The following NUDT13 variants were observed in gnomAD, a reference collection of about 807,000 sequenced individuals.
NUDT13 encodes NAD(P)H pyrophosphatase NUDT13, mitochondrial.
NUDT13 carries 40 observed loss-of-function variants against 41.7 expected under a neutral mutation model. The ratio of observed to expected loss-of-function variants is 0.96; its 90% CI spans 0.75 to 1.25. The LOEUF (loss-of-function observed/expected upper bound fraction) is 1.25. Among genes scored for constraint, NUDT13 ranks in the 50% most tolerant of loss-of-function variants. The probability of loss-of-function intolerance (pLI) is 0.00; values close to 1 mark genes in which losing one functional copy is unlikely to be tolerated. For synonymous variants in NUDT13, 145 were observed against 155.5 expected, an observed-to-expected ratio of 0.93 and a Z score of 0.50; for missense variants, 390 against 416.1, an observed-to-expected ratio of 0.94 and a Z score of 0.55.
chr10:73,113,500 C>G (rs1210662177), intron 1 of NUDT13, among the ~76,000 whole-genome samples: 1 of 152,088 alleles, frequency 6.6e-6, no homozygotes, highest in African/African-American at 2.4e-5. Flanking sequence ...TGCTTTGCAA[C>G]CCACATATTG....
intron 4 of NUDT13, among the ~76,000 whole-genome samples, chr10:73,123,723 C>T (rs978858594): frequency 1.3e-5 from 2 of 151,962 alleles, no homozygotes; most frequent in Non-Finnish European, 2.9e-5. Context: ...TGCAATGGTG[C>T]GATCGGTTCA....
rs1429189482 is a variant in NUDT13, at chr10:73,125,188, A to G, written c.536A>G (p.Asn179Ser). Residue 179 changes from asparagine to serine, a missense_variant, in exon 6 of 9, where the codon AAC becomes AGC. Coordinates refer to ENST00000357321, the MANE Select transcript of NUDT13 (RefSeq NM_015901.6). ...CSRSGQPTKK[N>S]VAGSKRVCPS... is the part of the protein sequence containing the mutation. ...AGAAGTGGGCAGCCCACCAAGAAGAACGTGGCTGGCAGCAAGCGTGTGTGC... is the reference window on the plus strand; with the variant it reads ...AGAAGTGGGCAGCCCACCAAGAAGAGCGTGGCTGGCAGCAAGCGTGTGTGC... The G allele has an allele frequency of 1.2e-6, 2 of 1,613,604 alleles. No homozygotes were observed. Among genetic ancestry groups the G allele is most frequent in the African/African-American group, 2.7e-5 (2 of 74,864 alleles).
chr10:73,119,577 A>G (rs1293923781), intron 2 of NUDT13: 1 of 590,260 alleles, frequency 1.7e-6, no homozygotes, highest in Admixed American at 6.2e-5. Flanking sequence ...ACTCCACTGC[A>G]TGTAAATTCT....
At position 73,120,018 on chromosome 10, in the gene NUDT13, G is replaced by A. The variant is rs767956626; in HGVS notation, c.84G>A (p.Arg28=). 9 of 1,613,742 alleles carry A rather than the reference G, an allele frequency of 5.6e-6. No homozygotes were observed. The highest frequency in any genetic ancestry group is 5.9e-6 in the Non-Finnish European group (7 of 1,179,778). Residue 28 remains arginine, a splice_region_variant and synonymous_variant, in exon 3 of 9, where the codon CGG becomes CGA. Coordinates refer to ENST00000357321, the MANE Select transcript of NUDT13 (RefSeq NM_015901.6). ...RLLSTYVTKT[R]YLFELKEDDD... is the part of the protein sequence containing the mutation. The stretch of plus-strand genomic sequence containing the variant: ...TGGTTTGATTATTTCCCAAATACAG[G>A]TATTTATTTGAACTGAAGGAAGATG...
At chr10:73,113,418 AT>A (rs1357009806) in intron 1 of NUDT13, among the ~76,000 whole-genome samples, 2 of 152,156 alleles carry the variant, frequency 1.3e-5, no homozygotes, top group African/African-American at 4.8e-5. Flanking sequence ...CTTTAAATAC[AT>A]TTTTTATAGT....
rs763340773 is a variant in NUDT13 at position 73,114,393 on chromosome 10, A to C, written c.28A>C (p.Arg10=). The C allele has an allele frequency of 7.5e-6, 12 of 1,591,136 alleles. No homozygotes were observed. Residue 10 remains arginine, a synonymous_variant, in exon 2 of 9, where the codon AGG becomes CGG. Coordinates refer to ENST00000357321, the MANE Select transcript of NUDT13 (RefSeq NM_015901.6). Reference sequence around the variant, plus strand: ...GTCCCTGTATTGTGGAATAGCTTGCAGGAGAAAATTTTTTTGGTGCTATAG... The same window carrying C: ...GTCCCTGTATTGTGGAATAGCTTGCCGGAGAAAATTTTTTTGGTGCTATAG... MSLYCGIAC[R]RKFFWCYRLL...
intron 8 of NUDT13, 24 bp from the exon 9 acceptor site, chr10:73,130,679 C>T: frequency 6.2e-7 from 1 of 1,603,468 alleles, no homozygotes; most frequent in Non-Finnish European, 8.5e-7. Flanking sequence ...GACCTTACAT[C>T]CTTTTCTTCC....
At chr10:73,117,115 C>T (rs1842533181) in intron 2 of NUDT13, among the ~76,000 whole-genome samples, 1 of 150,638 alleles carries the variant, frequency 6.6e-6, no homozygotes, top group Admixed American at 6.6e-5. Flanking sequence ...GATCTCTTGA[C>T]CTTGTGATCC....
chr10:73,117,600 A>G (rs1382971907), intron 2 of NUDT13, among the ~76,000 whole-genome samples: 1 of 151,914 alleles, frequency 6.6e-6, no homozygotes, highest in East Asian at 1.9e-4. Flanking sequence ...AATAAAGAAT[A>G]TGATGTGAAA....
Position 73,130,855 on chromosome 10 carries a change from G to A in NUDT13, c.1011G>A (p.Leu337=). ...LPPKLAISHQ[L]IKEWVEKQTC... is the part of the protein sequence containing the mutation. ...CTAAGTTAGCCATCTCCCACCAACT[G>A]ATTAAGGAGTGGGTGGAAAAACAGA... The change falls in exon 9 of 9, where the codon CTG becomes CTA. Residue 337 remains leucine, a synonymous_variant. Coordinates refer to ENST00000357321, the MANE Select transcript of NUDT13 (RefSeq NM_015901.6). 6.2e-7 allele frequency: 1 copy of A among 1,613,912 alleles called. No individual in the cohort carries two copies. Among genetic ancestry groups the A allele is most frequent in the East Asian group, 2.2e-5 (1 of 44,864 alleles).
At chr10:73,120,748 C>A (rs542144687) in intron 3 of NUDT13, among the ~76,000 whole-genome samples, 1 of 151,896 alleles carries the variant, frequency 6.6e-6, no homozygotes, top group South Asian at 2.1e-4. Flanking sequence ...ACCAACCTGG[C>A]TAACACGGTG....
At chr10:73,121,213 AAG>A (rs1223289624) in intron 3 of NUDT13, among the ~76,000 whole-genome samples, 1 of 152,186 alleles carries the variant, frequency 6.6e-6, no homozygotes, top group Non-Finnish European at 1.5e-5. Flanking sequence ...GTCTCTACCC[AAG>A]AACAAAAAAT....
Position 73,126,682 on chromosome 10 carries a change from TG to T in NUDT13, c.715del (p.Glu239LysfsTer35). 2.5e-6 allele frequency: 4 copies of T among 1,614,122 alleles called. No individual in the cohort carries two copies. The highest frequency in any genetic ancestry group is 3.4e-6 in the Non-Finnish European group (4 of 1,179,992). ...ATCTGAGTGCTTGTAGGTGAAAGTG[TG>T]GAAGAGACCATCCGCCGAGAAGTTG... Reference protein sequence around the residue: ...LAGFCDIGESVEETIRREVAE... With the variant: ...LAGFCDIGESXEETIRREVAE... On this transcript the variant is annotated frameshift_variant, in exon 8 of 9. Transcript: ENST00000357321. LOFTEE classifies it high-confidence loss of function.
intron 1 of NUDT13, among the ~76,000 whole-genome samples, chr10:73,113,294 G>A (rs1414716535): frequency 6.6e-6 from 1 of 152,138 alleles, no homozygotes; most frequent in Non-Finnish European, 1.5e-5. Flanking sequence ...ACATGGAATT[G>A]CTGAGGAAAA....
chr10:73,124,102 T>G, intron 4 of NUDT13, 112 bp from the exon 5 acceptor site: 1 of 712,548 alleles, frequency 1.4e-6, no homozygotes. Flanking sequence ...CACACCTAGC[T>G]GAATCTTACG....
Position 73,131,244 on chromosome 10 carries a change from G to T in NUDT13, c.*341G>T, listed in dbSNP as rs1172499039. On this transcript the variant is annotated 3_prime_UTR_variant, in exon 9 of 9. Transcript: ENST00000357321. ...TTCTGGCATATGGCTTGTTAATGTTGTGTTTACACTAACTGCCAAAATGTG... is the reference window on the plus strand; with the variant it reads ...TTCTGGCATATGGCTTGTTAATGTTTTGTTTACACTAACTGCCAAAATGTG... 3 of 217,690 alleles carry T rather than the reference G, an allele frequency of 1.4e-5. No individual in the cohort carries two copies. The highest frequency in any genetic ancestry group is 2.8e-5 in the Non-Finnish European group (3 of 105,472). 13.5% of individuals were successfully genotyped at this position (217,690 alleles called of 1,614,324 possible). A position where few individuals can be genotyped will look rare whatever the true frequency, so the allele number is the denominator to read the frequency against.
At chr10:73,111,566 G>T (rs1034116081) in intron 1 of NUDT13, among the ~76,000 whole-genome samples, 5 of 152,152 alleles carry the variant, frequency 3.3e-5, no homozygotes, top group African/African-American at 4.8e-5. Context: ...AACTCTTAAT[G>T]TTAAAGCACC....
At chr10:73,120,887 G>A (rs575526505) in intron 3 of NUDT13, among the ~76,000 whole-genome samples, 7 of 150,238 alleles carry the variant, frequency 4.7e-5, no homozygotes, top group African/African-American at 1.5e-4. Flanking sequence ...GCAGTGAGCC[G>A]AGATCACGGC....
intron 1 of NUDT13, among the ~76,000 whole-genome samples, chr10:73,113,008 C>T (rs1314119694): frequency 6.6e-6 from 1 of 152,162 alleles, no homozygotes; most frequent in Non-Finnish European, 1.5e-5. Flanking sequence ...CTGCCTCAGC[C>T]TCCCAAGTAG....
Sources: gnomAD v4.1 joint callset for allele counts (sites outside exome capture counted in the v4.1 genomes callset) on GRCh38, gnomAD v4.1.1 for gene constraint, MANE v1.5 for transcripts, NCBI Gene and HGNC (gene_info 2026-07-23, HGNC 2026-07-21) for gene names.